Variants in TIAM2 observed in about 807,000 individuals in gnomAD.
TIAM2 encodes TIAM Rac1 associated GEF 2.
In TIAM2, 80 loss-of-function variants were observed where a neutral mutation model predicts 152.9. That is an observed-to-expected ratio of 0.52 (90% CI 0.44 to 0.63). The LOEUF is 0.63. TIAM2 is among the 30% of genes least tolerant of loss of function. The pLI is 0.00. For missense variants in TIAM2, 1,965 were observed against 2,120.1 expected (o/e 0.93, Z 1.44); for synonymous variants, 804 against 838.0 (o/e 0.96, Z 0.70).
intron 7 of TIAM2, among the ~76,000 whole-genome samples, chr6:155,151,771 A>C (rs1779974609): frequency 6.6e-6 from 1 of 152,016 alleles, no homozygotes; most frequent in African/African-American, 2.4e-5. Flanking sequence ...CACAAGTTCA[A>C]CAGTTTACAT....
chr6:155,038,497 T>C (rs1254651586), intron 1 of TIAM2, among the ~76,000 whole-genome samples: 1 of 152,246 alleles, frequency 6.6e-6, no homozygotes, highest in Non-Finnish European at 1.5e-5. Flanking sequence ...CGCCAAGCAC[T>C]GTGTGCGTGC....
At chr6:155,111,107 A>G (rs981063765) in intron 2 of TIAM2, among the ~76,000 whole-genome samples, 3 of 152,172 alleles carry the variant, frequency 2.0e-5, no homozygotes, top group African/African-American at 7.2e-5. Context: ...GAAGAAACCA[A>G]GTGGAGAGAA....
chr6:155,089,147 G>A (rs963301379), intron 1 of TIAM2, among the ~76,000 whole-genome samples: 2 of 150,764 alleles, frequency 1.3e-5, no homozygotes, highest in East Asian at 2.0e-4. Flanking sequence ...CCAGGTGGTA[G>A]CATATCAAAT....
Position 155,019,591 on chromosome 6 carries a change from T to C in TIAM2, c.-209+24099T>C, listed in dbSNP as rs148263797. On this transcript the variant is annotated intron_variant, in intron 1 of 26. Coordinates refer to ENST00000682666, the MANE Select transcript of TIAM2 (RefSeq NM_012454.4). ...AGTGGGACTGCTGTGGTTCCTTTTCTCCCCAAATACGGCTTTTTGTTGTAG... is the reference window on the plus strand; with the variant it reads ...AGTGGGACTGCTGTGGTTCCTTTTCCCCCCAAATACGGCTTTTTGTTGTAG... 1.7e-3 allele frequency among the ~76,000 whole-genome samples: 260 copies of C among 152,322 alleles called. No homozygotes were observed. The East Asian group carries it at 0.028, about 17-fold the overall frequency.
At chr6:155,254,785 C>G (rs1246599454) in intron 26 of TIAM2, 2 of 554,628 alleles carry the variant, frequency 3.6e-6, no homozygotes, top group South Asian at 2.6e-5. Flanking sequence ...GTCTTCCTAC[C>G]CGCTGACATA....
At chr6:155,104,510 C>A (rs1309610263) in intron 2 of TIAM2, among the ~76,000 whole-genome samples, 2 of 152,132 alleles carry the variant, frequency 1.3e-5, no homozygotes, top group Non-Finnish European at 2.9e-5. Context: ...GTCATCCCAG[C>A]ACTTTGGGAG....
intron 15 of TIAM2, among the ~76,000 whole-genome samples, chr6:155,233,368 A>G (rs57728098): frequency 0.5 from 75,962 of 151,942 alleles, 20,091 homozygotes; most frequent in African/African-American, 0.61. Context: ...ATTGCACTGA[A>G]CCCAGGTTAG....
intron 1 of TIAM2, among the ~76,000 whole-genome samples, chr6:155,054,922 TG>T (rs1203993859): frequency 1.3e-5 from 2 of 152,150 alleles, no homozygotes; most frequent in Non-Finnish European, 2.9e-5. Context: ...TTACGGACAC[TG>T]GGTTACTTTC....
At chr6:155,152,484 G>A (rs1583216754) in intron 7 of TIAM2, among the ~76,000 whole-genome samples, 1 of 152,206 alleles carries the variant, frequency 6.6e-6, no homozygotes, top group South Asian at 2.1e-4. Flanking sequence ...TAGGTTGGGA[G>A]TCCATGTGGA....
At chr6:155,120,687 C>G (rs74438167) in intron 2 of TIAM2, among the ~76,000 whole-genome samples, 2,876 of 152,272 alleles carry the variant, frequency 0.019, 142 homozygotes, top group Admixed American at 0.12. Context: ...CAGGATTTCT[C>G]AGCTTTGGAA....
intron 1 of TIAM2, among the ~76,000 whole-genome samples, chr6:155,044,991 T>C (rs1319553966): frequency 6.6e-6 from 1 of 152,064 alleles, no homozygotes; most frequent in Non-Finnish European, 1.5e-5. Flanking sequence ...TTTCATCTTT[T>C]GTTTTAAATT....
chr6:155,121,239 T>A (rs972882510), intron 2 of TIAM2, among the ~76,000 whole-genome samples: 6 of 152,254 alleles, frequency 3.9e-5, no homozygotes, highest in East Asian at 1.9e-4. Context: ...TATTGAATAA[T>A]GAGTAGGTAA....
Position 155,148,102 on chromosome 6 carries a change from G to A in TIAM2, c.1804-8G>A. 6.2e-7 allele frequency: 1 copy of A among 1,613,708 alleles called. No individual in the cohort carries two copies. Among genetic ancestry groups the A allele is most frequent in the Non-Finnish European group, 8.5e-7 (1 of 1,179,874 alleles). Reference sequence around the variant, plus strand: ...TTCGAAACAGGCTTTCTCCCTCCCTGTGTGTAGGCCACCAGCCAGACAGAT... The same window carrying A: ...TTCGAAACAGGCTTTCTCCCTCCCTATGTGTAGGCCACCAGCCAGACAGAT... On this transcript the variant is annotated splice_region_variant and splice_polypyrimidine_tract_variant and intron_variant, in intron 6 of 26. Transcript: ENST00000682666.
At chr6:155,005,026 TG>T in intron 1 of TIAM2, 1 of 523,180 alleles carries the variant, frequency 1.9e-6, no homozygotes, top group South Asian at 3.6e-5. Flanking sequence ...AAGGCAGTCA[TG>T]GAGTAACCCA....
intron 15 of TIAM2, chr6:155,232,865 G>A (rs527784951): frequency 1.3e-5 from 2 of 152,334 alleles, no homozygotes; most frequent in Admixed American, 1.3e-4. Context: ...CTCTAAAGCA[G>A]GAATTGAAAT....
chr6:155,072,345 A>G (rs1350940417), intron 1 of TIAM2, among the ~76,000 whole-genome samples: 1 of 152,204 alleles, frequency 6.6e-6, no homozygotes, highest in Non-Finnish European at 1.5e-5. Context: ...GGATCAGCCT[A>G]TGAGGGCTGA....
At position 155,256,680 on chromosome 6, in the gene TIAM2, A is replaced by C. The variant is rs1295255797; in HGVS notation, c.4665A>C (p.Ala1555=). 1.2e-6 allele frequency: 2 copies of C among 1,614,088 alleles called. No homozygotes were observed. Among genetic ancestry groups the C allele is most frequent in the Non-Finnish European group, 1.7e-6 (2 of 1,180,036 alleles). The part of the protein sequence containing the change: ...SPGKYPHPGL[A]DFADNLIKES... The stretch of plus-strand genomic sequence containing the variant: ...GGAAATACCCACACCCCGGCTTGGC[A>C]GATTTTGCCGACAATCTCATCAAAG... Residue 1555 remains alanine (A), a synonymous_variant, in exon 27 of 27, where the codon GCA becomes GCC. Coordinates refer to ENST00000682666, the MANE Select transcript of TIAM2 (RefSeq NM_012454.4).
intron 2 of TIAM2, among the ~76,000 whole-genome samples, chr6:155,099,788 G>A (rs115609539): frequency 7.7e-4 from 118 of 152,360 alleles, no homozygotes; most frequent in African/African-American, 2.6e-3. Context: ...TGAGAAAAGT[G>A]TAAGATGATT....
chr6:155,165,380 G>A lies in TIAM2; in HGVS notation c.2332G>A (p.Gly778Ser), dbSNP rs972383885. 3 of 1,613,722 alleles carry A rather than the reference G, an allele frequency of 1.9e-6. No homozygotes were observed. The highest frequency in any genetic ancestry group is 2.5e-6 in the Non-Finnish European group (3 of 1,179,958). Residue 778 changes from glycine (G) to serine (S), a missense_variant, in exon 9 of 27, where the codon GGC (glycine) becomes AGC (serine). Physicochemically the swap from Gly to Ser is moderately conservative, Grantham distance 56. Around this residue, in one of 3 missense-constraint regions of TIAM2, gnomAD observed 1,025 missense variants for 1,119.4 expected, o/e 0.92. Transcript: ENST00000682666. ...LKGLDTLARK[G>S]KEKRPSITQV... ...AGGGCTGGACACACTGGCCAGAAAA[G>A]GCAAGGAGAAGAGACCTTCTATAAC...
Sources: gnomAD v4.1 joint callset for allele counts (sites outside exome capture counted in the v4.1 genomes callset) on GRCh38, gnomAD v4.1.1 for gene constraint, gnomAD v4.1.1 regional missense constraint, MANE v1.5 for transcripts, NCBI Gene and HGNC (gene_info 2026-07-23, HGNC 2026-07-21) for gene names.